CFAP97: variants seen among roughly 807,000 people sequenced by gnomAD.
CFAP97 encodes the protein cilia- and flagella-associated protein 97.
Under a neutral mutation model 43.1 loss-of-function variants are expected in CFAP97, and 36 were observed. The ratio of observed to expected loss-of-function variants is 0.84; its 90% confidence interval spans 0.64 to 1.10. The LOEUF is 1.10. Ranked by LOEUF, CFAP97 falls within the 50% of genes least tolerant of loss-of-function variation. The probability of loss-of-function intolerance (pLI) is 0.00; values close to 1 mark genes in which losing one functional copy is unlikely to be tolerated. For synonymous variants in CFAP97, 228 were observed against 225.7 expected (o/e 1.01, Z -0.09); for missense variants, 657 against 620.3 (o/e 1.06, Z -0.63).
chr4:185,167,586 C>A (rs765396419), intron 3 of CFAP97, among the ~76,000 whole-genome samples: 1 of 152,188 alleles, frequency 6.6e-6, no homozygotes, highest in East Asian at 1.9e-4. Flanking sequence ...CTGATTGTGT[C>A]CTTGATCAAA....
At position 185,176,000 on chromosome 4, in the gene CFAP97, G is replaced by T. The variant is rs1262449461; in HGVS notation, c.1106C>A (p.Pro369His). The T allele has an allele frequency of 6.2e-7, 1 of 1,613,084 alleles. No homozygotes were observed. Among genetic ancestry groups the T allele is most frequent in the South Asian group, 1.1e-5 (1 of 90,910 alleles). ...GTAGTTTTTCCCGGGTGCTACTGAA[G>T]GCTGATCAAAGTGATGTTTTTGTGG... ...KGPQKHHFDQ[P>H]SVAPGKNYSF... Residue 369 changes from proline (P) to histidine (H), a missense_variant, in exon 3 of 5, where the codon CCT becomes CAT. Pro to His is a moderately conservative substitution (Grantham distance 77). Coordinates refer to ENST00000458385, the MANE Select transcript of CFAP97 (RefSeq NM_020827.3).
At chr4:185,172,110 T>C (rs969566424) in intron 3 of CFAP97, among the ~76,000 whole-genome samples, 3 of 152,324 alleles carry the variant, frequency 2.0e-5, no homozygotes, top group African/African-American at 7.2e-5. Flanking sequence ...ATTCTAATTT[T>C]ATTTAAATTA....
intron 1 of CFAP97, among the ~76,000 whole-genome samples, chr4:185,196,740 A>G (rs1736562703): frequency 6.6e-6 from 1 of 152,226 alleles, no homozygotes; most frequent in Non-Finnish European, 1.5e-5. Context: ...AATATGACAG[A>G]GTCTAGGAAA....
intron 2 of CFAP97, among the ~76,000 whole-genome samples, chr4:185,180,093 G>T (rs563652878): frequency 3.3e-5 from 5 of 152,102 alleles, no homozygotes; most frequent in East Asian, 1.9e-4. Flanking sequence ...GGAGATATTG[G>T]CATGTATTTT....
At chr4:185,176,409 G>C (rs1735545474) in intron 2 of CFAP97, among the ~76,000 whole-genome samples, 1 of 151,992 alleles carries the variant, frequency 6.6e-6, no homozygotes, top group African/African-American at 2.4e-5. Context: ...CACTGTGCCT[G>C]GCCCGGTGGT....
At chr4:185,174,057 G>A (rs781457913) in intron 3 of CFAP97, among the ~76,000 whole-genome samples, 5 of 152,100 alleles carry the variant, frequency 3.3e-5, no homozygotes, top group Admixed American at 1.3e-4. Flanking sequence ...CCTGCTAGCC[G>A]TGTGACCTTG....
chr4:185,172,952 A>T (rs896371352), intron 3 of CFAP97, among the ~76,000 whole-genome samples: 1 of 152,062 alleles, frequency 6.6e-6, no homozygotes, highest in Admixed American at 6.6e-5. Context: ...TTAAGACCAT[A>T]CTTCTGGTCA....
At position 185,164,072 on chromosome 4, in the gene CFAP97, C is replaced by T; in HGVS notation, c.1428G>A (p.Leu476=). The change falls in exon 4 of 5, where the codon TTG becomes TTA. Residue 476 remains leucine (L), a synonymous_variant. Transcript: ENST00000458385. ...CAAGAGTGGATCTGGCCCGTCTTGA[C>T]AATGGTGATGAGTTGAGATAGCCCA... ...RNMGYLNSSP[L]SRRARSTLGQ... is the part of the protein sequence containing the mutation. 6.2e-7 allele frequency: 1 copy of T among 1,613,892 alleles called. No homozygotes were observed. The highest frequency in any genetic ancestry group is 8.5e-7 in the Non-Finnish European group (1 of 1,179,848).
intron 3 of CFAP97, among the ~76,000 whole-genome samples, chr4:185,173,097 C>A (rs1387325446): frequency 6.6e-6 from 1 of 152,094 alleles, no homozygotes; most frequent in Non-Finnish European, 1.5e-5. Flanking sequence ...GGCACAGTGG[C>A]TCACGCCTGT....
upstream of CFAP97, among the ~76,000 whole-genome samples, chr4:185,208,494 C>A (rs1737299545): frequency 6.6e-6 from 1 of 151,880 alleles, no homozygotes; most frequent in African/African-American, 2.4e-5. Context: ...CTTTGGGAGG[C>A]TGAGGCAGGC....
At chr4:185,174,563 G>A (rs1178593270) in intron 3 of CFAP97, among the ~76,000 whole-genome samples, 1 of 152,192 alleles carries the variant, frequency 6.6e-6, no homozygotes, top group Non-Finnish European at 1.5e-5. Flanking sequence ...CACATAAGGA[G>A]GGTTAATTTT....
intron 1 of CFAP97, among the ~76,000 whole-genome samples, chr4:185,195,531 A>G (rs1736497054): frequency 6.6e-6 from 1 of 152,206 alleles, no homozygotes; most frequent in South Asian, 2.1e-4. Context: ...CATAAAACTT[A>G]AAACATATAC....
chr4:185,170,983 C>A (rs13134646), intron 3 of CFAP97, among the ~76,000 whole-genome samples: 1 of 72,964 alleles, frequency 1.4e-5, no homozygotes, highest in Admixed American at 1.9e-4. Context: ...GACTTTGTCT[C>A]AAAAAAAAAA....
At chr4:185,165,370 AT>A (rs10718821) in intron 3 of CFAP97, among the ~76,000 whole-genome samples, 69,925 of 151,856 alleles carry the variant, frequency 0.46, 16,133 homozygotes, top group Middle Eastern at 0.56. Context: ...TAACATGGTA[AT>A]TTTTTTTACA....
At chr4:185,197,831 T>C (rs1476009464) in intron 1 of CFAP97, among the ~76,000 whole-genome samples, 1 of 152,166 alleles carries the variant, frequency 6.6e-6, no homozygotes, top group Non-Finnish European at 1.5e-5. Flanking sequence ...GAAGGTATGC[T>C]GAAAGTCCAG....
At chr4:185,187,070 C>T (rs187123280) in intron 2 of CFAP97, among the ~76,000 whole-genome samples, 3 of 152,156 alleles carry the variant, frequency 2.0e-5, no homozygotes, top group Admixed American at 2.0e-4. Flanking sequence ...AAAAGAATTA[C>T]AAGAAAATTG....
intron 2 of CFAP97, among the ~76,000 whole-genome samples, chr4:185,185,308 G>A (rs1327683105): frequency 6.6e-6 from 1 of 151,818 alleles, no homozygotes; most frequent in Non-Finnish European, 1.5e-5. Flanking sequence ...CAAGAAAAAA[G>A]GCAAATATAT....
rs1196412843 is a variant in CFAP97 at position 185,160,424 on chromosome 4, G to T, written c.*2374C>A. The T allele has an allele frequency of 2.0e-5, 3 of 151,664 alleles. No individual in the cohort carries two copies. The highest frequency in any genetic ancestry group is 1.3e-4 in the Admixed American group (2 of 15,234). 9.4% of individuals were successfully genotyped at this position (151,664 alleles called of 1,614,324 possible). A position where few individuals can be genotyped will look rare whatever the true frequency, so the allele number is the denominator to read the frequency against. On this transcript the variant is annotated 3_prime_UTR_variant, in exon 5 of 5. Transcript: ENST00000458385. ...CCATCCTTTACTTTTTCATGTCCTT[G>T]AAATGAGAAGAGTAATGTACTTAAG...
At chr4:185,190,107 T>C in intron 2 of CFAP97, 36 bp downstream of exon 2, 1 of 1,462,662 alleles carries the variant, frequency 6.8e-7, no homozygotes, top group Non-Finnish European at 9.2e-7. Flanking sequence ...ATATATAATA[T>C]TTAAACACAC....
Sources: allele counts gnomAD v4.1 joint callset (sites outside exome capture counted in the v4.1 genomes callset), GRCh38; gene constraint gnomAD v4.1.1; transcripts MANE v1.5; gene names NCBI Gene and HGNC (gene_info 2026-07-23, HGNC 2026-07-21).